Variants in CAMK2D observed in about 807,000 individuals in gnomAD.
CAMK2D encodes the protein calcium/calmodulin dependent protein kinase II delta.
CAMK2D carries 37 observed loss-of-function variants against 84.0 expected under a neutral mutation model. The observed-to-expected ratio is 0.44, with a 90% CI of 0.34 to 0.58. The LOEUF (loss-of-function observed/expected upper bound fraction) is 0.58, where lower values mean the gene tolerates loss of function less well. Ranked by LOEUF, CAMK2D falls within the 20% of genes least tolerant of loss-of-function variation. The pLI, the probability that CAMK2D is intolerant of heterozygous loss-of-function variation, is 0.02. For synonymous variants in CAMK2D, 202 were observed against 212.5 expected, an observed-to-expected ratio of 0.95 and a Z score of 0.43; for missense variants, 448 against 652.5, an observed-to-expected ratio of 0.69 and a Z score of 3.41.
intron 2 of CAMK2D, among the ~76,000 whole-genome samples, chr4:113,662,828 T>G (rs1488003543): frequency 6.6e-6 from 1 of 152,198 alleles, no homozygotes; most frequent in Non-Finnish European, 1.5e-5. Flanking sequence ...GAAGATCCCC[T>G]AAGAGAGTTT....
Position 113,761,676 on chromosome 4 carries a change from A to C in CAMK2D, c.-608T>G. ...GGCAGCGGCTCCGGCGAAGCGAGGC[A>C]CCTTGGCGGCCTCGCGCTGCTCACG... On this transcript the variant is annotated 5_prime_UTR_variant, in exon 1 of 21. Coordinates refer to ENST00000511664, the MANE Select transcript of CAMK2D (RefSeq NM_001321571.2). 7 of 984,054 alleles carry C rather than the reference A, an allele frequency of 7.1e-6. No homozygotes were observed. The highest frequency in any genetic ancestry group is 7.2e-6 in the Non-Finnish European group (6 of 828,940). 61.0% of individuals were successfully genotyped at this position (984,054 alleles called of 1,614,324 possible). A position where few individuals can be genotyped will look rare whatever the true frequency, so the allele number is the denominator to read the frequency against.
At chr4:113,683,379 G>C (rs2099351188) in intron 2 of CAMK2D, among the ~76,000 whole-genome samples, 1 of 152,152 alleles carries the variant, frequency 6.6e-6, no homozygotes, top group Admixed American at 6.5e-5. Flanking sequence ...ATGGCTGAGA[G>C]GTGAATCTGG....
chr4:113,613,417 G>C (rs2099008784), intron 3 of CAMK2D, among the ~76,000 whole-genome samples: 1 of 151,932 alleles, frequency 6.6e-6, no homozygotes, highest in Admixed American at 6.6e-5. Flanking sequence ...TGGTTTGTCA[G>C]GGTAAAATAA....
At chr4:113,726,094 CT>C (rs2099544960) in intron 2 of CAMK2D, among the ~76,000 whole-genome samples, 2 of 152,194 alleles carry the variant, frequency 1.3e-5, no homozygotes. Context: ...TGAGATCCTT[CT>C]TTATGCCAAA....
chr4:113,627,145 C>T (rs916913), intron 3 of CAMK2D, among the ~76,000 whole-genome samples: 76,524 of 151,854 alleles, frequency 0.5, 22,616 homozygotes, highest in African/African-American at 0.79. Context: ...TGAAAAAAAG[C>T]AGAGAAAAAA....
chr4:113,732,098 G>C (rs1367096262), intron 2 of CAMK2D, among the ~76,000 whole-genome samples: 2 of 151,796 alleles, frequency 1.3e-5, no homozygotes, highest in African/African-American at 4.8e-5. Flanking sequence ...CAGGTGTCTA[G>C]ACTCTTGGGA....
chr4:113,743,383 T>C (rs575566360), intron 2 of CAMK2D, among the ~76,000 whole-genome samples: 2 of 152,234 alleles, frequency 1.3e-5, no homozygotes, highest in East Asian at 3.8e-4. Flanking sequence ...GGAGCCATTT[T>C]TGGACACTTT....
chr4:113,591,410 C>CT (rs773900837), intron 4 of CAMK2D, among the ~76,000 whole-genome samples: 1 of 152,152 alleles, frequency 6.6e-6, no homozygotes, highest in Non-Finnish European at 1.5e-5. Context: ...ATCATCATAT[C>CT]TATTACTTTT....
intron 8 of CAMK2D, among the ~76,000 whole-genome samples, chr4:113,528,685 T>C (rs974767428): frequency 6.6e-6 from 1 of 152,056 alleles, no homozygotes. Flanking sequence ...TACAAAAATA[T>C]AGCTTTATCA....
At chr4:113,634,042 T>C (rs1029818009) in intron 3 of CAMK2D, among the ~76,000 whole-genome samples, 1 of 152,354 alleles carries the variant, frequency 6.6e-6, no homozygotes, top group Admixed American at 6.5e-5. Context: ...CCTTTGCTTT[T>C]AAAAGACTTT....
intron 2 of CAMK2D, among the ~76,000 whole-genome samples, chr4:113,720,254 A>G (rs2099526306): frequency 6.6e-6 from 1 of 152,042 alleles, no homozygotes; most frequent in Admixed American, 6.6e-5. Flanking sequence ...GTTCTGATTA[A>G]CAACTCAGTA....
chr4:113,662,858 C>T (rs2099240234), intron 2 of CAMK2D, among the ~76,000 whole-genome samples: 1 of 152,210 alleles, frequency 6.6e-6, no homozygotes, highest in Admixed American at 6.5e-5. Flanking sequence ...CCTGGGTCTG[C>T]AGACACACTC....
intron 3 of CAMK2D, among the ~76,000 whole-genome samples, chr4:113,615,272 A>G (rs976900066): frequency 3.9e-5 from 6 of 152,024 alleles, no homozygotes; most frequent in Non-Finnish European, 7.4e-5. Flanking sequence ...TAAAAATAAT[A>G]AATATATACA....
chr4:113,602,559 G>C (rs1350046951), intron 4 of CAMK2D, among the ~76,000 whole-genome samples: 2 of 152,204 alleles, frequency 1.3e-5, no homozygotes, highest in Non-Finnish European at 2.9e-5. Flanking sequence ...ATCCGCATAA[G>C]AAACTTTACT....
chr4:113,483,880 C>T (rs1399132826), intron 16 of CAMK2D, among the ~76,000 whole-genome samples: 1 of 151,974 alleles, frequency 6.6e-6, no homozygotes, highest in Non-Finnish European at 1.5e-5. Flanking sequence ...AGAAAATGCC[C>T]AATTTTTATT....
At chr4:113,587,931 G>A (rs751549494) in intron 4 of CAMK2D, among the ~76,000 whole-genome samples, 7 of 152,142 alleles carry the variant, frequency 4.6e-5, no homozygotes, top group Non-Finnish European at 1.0e-4. Flanking sequence ...ATCCAGATCA[G>A]TAGGTTTCTT....
intron 5 of CAMK2D, among the ~76,000 whole-genome samples, chr4:113,550,672 G>A (rs1044814993): frequency 1.3e-5 from 2 of 152,242 alleles, no homozygotes; most frequent in South Asian, 2.1e-4. Context: ...CCCTAGTTTA[G>A]TACCTTGATT....
intron 5 of CAMK2D, among the ~76,000 whole-genome samples, chr4:113,551,283 CAA>C (rs1287774607): frequency 1.3e-5 from 2 of 152,082 alleles, no homozygotes; most frequent in South Asian, 4.1e-4. Flanking sequence ...GCAAATTAGA[CAA>C]AAAACTTAGC....
intron 16 of CAMK2D, among the ~76,000 whole-genome samples, chr4:113,470,291 C>T (rs1341191840): frequency 6.6e-6 from 1 of 151,966 alleles, no homozygotes; most frequent in African/African-American, 2.4e-5. Context: ...AAAACTGCAC[C>T]CCCCCCATTT....
Sources: gnomAD v4.1 joint callset for allele counts (sites outside exome capture counted in the v4.1 genomes callset) on GRCh38, gnomAD v4.1.1 for gene constraint, MANE v1.5 for transcripts, NCBI Gene and HGNC (gene_info 2026-07-23, HGNC 2026-07-21) for gene names.